WDFY4: variants seen among roughly 807,000 people sequenced by gnomAD.
WDFY4 encodes the protein WDFY family member 4.
A neutral mutation model predicts 351.9 loss-of-function variants in WDFY4; 169 were observed. The ratio of observed to expected loss-of-function variants is 0.48; its 90% CI spans 0.42 to 0.55. WDFY4 has a LOEUF of 0.55. WDFY4 is among the 20% of genes least tolerant of loss of function. The pLI is 0.00. For missense variants in WDFY4, 3,803 were observed against 3,935.6 expected (o/e 0.97, Z 0.90); for synonymous variants, 1,622 against 1,574.6 (o/e 1.03, Z -0.71).
In WDFY4 at chr10:48,920,742, C is replaced by T. The variant is rs139264181; in HGVS notation, c.7586+18879C>T. 2.6e-5 allele frequency among the ~76,000 whole-genome samples: 4 copies of T among 152,292 alleles called. No homozygotes were observed. The East Asian group carries it at 5.8e-4, about 22-fold the overall frequency. On this transcript the variant is annotated intron_variant, in intron 47 of 61. Coordinates refer to ENST00000325239, the MANE Select transcript of WDFY4 (RefSeq NM_001394531.1). ...CTGTTCTTATGCACAGATGTCATGA[C>T]TGTCCACATAGAGAATCCCACAGAA...
intron 23 of WDFY4, among the ~76,000 whole-genome samples, chr10:48,793,562 C>T (rs1014552077): frequency 5.3e-5 from 8 of 152,210 alleles, no homozygotes; most frequent in Non-Finnish European, 7.4e-5. Context: ...TTTCTAGGCA[C>T]GTTTTCTCGC....
At chr10:48,838,186 T>A (rs1335898179) in intron 39 of WDFY4, among the ~76,000 whole-genome samples, 1 of 152,120 alleles carries the variant, frequency 6.6e-6, no homozygotes, top group Non-Finnish European at 1.5e-5. Context: ...TCTGTAGGAA[T>A]TCTACATCTG....
At chr10:48,815,274 T>G (rs1687822189) in intron 31 of WDFY4, among the ~76,000 whole-genome samples, 1 of 152,138 alleles carries the variant, frequency 6.6e-6, no homozygotes, top group East Asian at 1.9e-4. Flanking sequence ...CATAGTTGAG[T>G]TCTTTTGCAT....
intron 53 of WDFY4, among the ~76,000 whole-genome samples, chr10:48,960,550 C>T (rs146045075): frequency 6.6e-6 from 1 of 152,116 alleles, no homozygotes. Context: ...GCCATATTAC[C>T]CAGCATTTTC....
rs116341247 is a variant in WDFY4, at chr10:48,817,498, C to A, written c.5505+89C>A. On this transcript the variant is annotated intron_variant, in intron 32 of 61. Transcript: ENST00000325239. ...AAGGGCAAAATCCCTCCCCTCCCCC[C>A]TAAAATTAAAATACATTTTAAGGCA... 1,893 of 1,398,616 alleles carry A rather than the reference C, an allele frequency of 1.4e-3. 27 individuals carry two copies. In the African/African-American group the frequency reaches 0.023, roughly 17 times the overall value. The allele number at this position is 1,398,616 out of a possible 1,614,324, so 86.6% of individuals were successfully genotyped here. A position where few individuals can be genotyped will look rare whatever the true frequency, so the allele number is the denominator to read the frequency against.
rs533520064 is a variant in WDFY4, at chr10:48,820,289, G to A, written c.5561G>A (p.Gly1854Asp). ...NTSSPEAAAEGDSTVEGLQAP... is the reference protein window; with the variant it reads ...NTSSPEAAAEDDSTVEGLQAP... ...AGCAGTCCTGAGGCCGCAGCTGAAG[G>A]CGACAGCACAGTGGAGGGTCTCCAG... The change falls in exon 33 of 62, where the codon GGC becomes GAC. Residue 1854 changes from glycine to aspartate, a missense_variant. Physicochemically the swap from Gly to Asp is moderately conservative, Grantham distance 94 (BLOSUM62 -1). This residue lies in a region of WDFY4 where 3,054 missense variants were observed against 3,148.6 expected (regional missense o/e 0.97). Transcript: ENST00000325239. 5.5e-5 allele frequency: 86 copies of A among 1,551,682 alleles called. 1 individual carries two copies. The South Asian group carries it at 5.6e-4, about 10-fold the overall frequency.
chr10:48,943,811 T>C (rs1019756542), intron 49 of WDFY4, among the ~76,000 whole-genome samples: 2 of 152,140 alleles, frequency 1.3e-5, no homozygotes, highest in African/African-American at 2.4e-5. Flanking sequence ...GCCAGGCTGG[T>C]CTCGAACTCC....
At chr10:48,800,166 G>T (rs1055463745) in intron 24 of WDFY4, among the ~76,000 whole-genome samples, 5 of 152,220 alleles carry the variant, frequency 3.3e-5, no homozygotes, top group African/African-American at 7.2e-5. Context: ...TTACAAGCGT[G>T]AGCCACCGCG....
intron 18 of WDFY4, 146 bp downstream of exon 18, chr10:48,778,978 C>G (rs1479241940): frequency 1.5e-5 from 13 of 850,772 alleles, no homozygotes; most frequent in Non-Finnish European, 2.0e-5. Context: ...GGTTCCATAC[C>G]TGGTGAAAGG....
At chr10:48,840,565 T>C (rs929460369) in intron 39 of WDFY4, among the ~76,000 whole-genome samples, 2 of 151,682 alleles carry the variant, frequency 1.3e-5, no homozygotes, top group African/African-American at 2.4e-5. Flanking sequence ...GTGCAAGCAA[T>C]TGACATTAGA....
intron 31 of WDFY4, among the ~76,000 whole-genome samples, chr10:48,815,025 C>G (rs891446275): frequency 2.0e-5 from 3 of 152,138 alleles, no homozygotes; most frequent in Non-Finnish European, 4.4e-5. Flanking sequence ...TTGTAATGAA[C>G]TTTCTTAAAC....
At chr10:48,830,499 C>T (rs140299917) in intron 37 of WDFY4, among the ~76,000 whole-genome samples, 50 of 152,280 alleles carry the variant, frequency 3.3e-4, no homozygotes, top group African/African-American at 1.2e-3. Flanking sequence ...GGCCAGCTTG[C>T]ATGGGTGTTG....
chr10:48,800,729 TC>T (rs59533326), intron 24 of WDFY4, among the ~76,000 whole-genome samples: 2,199 of 119,368 alleles, frequency 0.018, 38 homozygotes, highest in African/African-American at 0.035. Flanking sequence ...TTTCATTCTT[TC>T]TTTTTTTTTT....
At chr10:48,724,568 AG>A (rs1240849559) in intron 5 of WDFY4, among the ~76,000 whole-genome samples, 1 of 152,140 alleles carries the variant, frequency 6.6e-6, no homozygotes, top group African/African-American at 2.4e-5. Context: ...GAAGGGAAGT[AG>A]TGCAGGGTCT....
intron 56 of WDFY4, 140 bp from the exon 57 acceptor site, chr10:48,969,991 A>G: frequency 9.4e-7 from 1 of 1,063,386 alleles, no homozygotes; most frequent in South Asian, 1.7e-5. Context: ...GGATTTTGTC[A>G]CCAAGAACTG....
chr10:48,821,889 G>A (rs1445834533), intron 34 of WDFY4, among the ~76,000 whole-genome samples: 1 of 152,222 alleles, frequency 6.6e-6, no homozygotes, highest in East Asian at 1.9e-4. Flanking sequence ...CCCTAGTCAG[G>A]TGCCTGGACC....
In WDFY4 at chr10:48,827,349, G is replaced by A. The variant is rs1324414255; in HGVS notation, c.6221+440G>A. On this transcript the variant is annotated intron_variant, in intron 36 of 61. Transcript: ENST00000325239. ...GAAAAAAATTACATATGCATACAAT[G>A]TATGACATAAAATCACATCCATAAA... Among the ~76,000 whole-genome samples the A allele has an allele frequency of 3.3e-5, 5 of 151,642 alleles. No individual in the cohort carries two copies. In the East Asian group the frequency reaches 9.8e-4, roughly 30 times the overall value.
At chr10:48,729,782 T>C (rs1589470997) in intron 8 of WDFY4, among the ~76,000 whole-genome samples, 193 bp downstream of exon 8, 1 of 150,662 alleles carries the variant, frequency 6.6e-6, no homozygotes, top group East Asian at 1.9e-4. Flanking sequence ...AGGCAAAGAC[T>C]CTCTCAAATA....
intron 59 of WDFY4, among the ~76,000 whole-genome samples, chr10:48,977,456 T>TCCAG (rs1334430320): frequency 2.0e-5 from 3 of 151,718 alleles, no homozygotes; most frequent in African/African-American, 7.3e-5. Context: ...CATCCATCCA[T>TCCAG]CCATCCATCC....
Sources: gnomAD v4.1 joint callset for allele counts (sites outside exome capture counted in the v4.1 genomes callset) on GRCh38, gnomAD v4.1.1 for gene constraint, gnomAD v4.1.1 regional missense constraint, MANE v1.5 for transcripts, NCBI Gene and HGNC (gene_info 2026-07-23, HGNC 2026-07-21) for gene names.